RPA1: variants seen among roughly 807,000 people sequenced by gnomAD.
RPA1 encodes the protein replication protein A1, also known as replication protein A 70 kDa DNA-binding subunit.
In RPA1, 49 loss-of-function variants were observed where a neutral mutation model predicts 83.0. That is an observed-to-expected ratio of 0.59 (90% CI 0.47 to 0.75). The LOEUF (loss-of-function observed/expected upper bound fraction) is 0.75. RPA1 is among the 30% of genes least tolerant of loss of function. The probability of loss-of-function intolerance (pLI) is 0.00; values close to 1 mark genes in which losing one functional copy is unlikely to be tolerated. For synonymous variants in RPA1, 279 were observed against 281.8 expected (o/e 0.99, Z 0.10); for missense variants, 693 against 776.1 (o/e 0.89, Z 1.27).
chr17:1,895,145 T>C (rs1168910205), intron 16 of RPA1, 50 bp downstream of exon 16: 1 of 1,446,508 alleles, frequency 6.9e-7, no homozygotes, highest in South Asian at 1.2e-5. Flanking sequence ...GTGCTGTTTG[T>C]CACCTACGGC....
intron 6 of RPA1, among the ~76,000 whole-genome samples, chr17:1,874,391 A>T (rs1913505174): frequency 1.3e-5 from 2 of 152,190 alleles, no homozygotes; most frequent in African/African-American, 4.8e-5. Flanking sequence ...CTATAGTCCC[A>T]GCTACTCAAG....
At chr17:1,845,369 C>CAA (rs879287294) in intron 4 of RPA1, among the ~76,000 whole-genome samples, 1 of 135,362 alleles carries the variant, frequency 7.4e-6, no homozygotes, top group African/African-American at 2.7e-5. Context: ...CCTGTCTCTA[C>CAA]AAAAAAAAAA....
chr17:1,848,974 A>T (rs1342512143), intron 4 of RPA1, among the ~76,000 whole-genome samples: 1 of 152,144 alleles, frequency 6.6e-6, no homozygotes, highest in African/African-American at 2.4e-5. Context: ...TGCTATTACT[A>T]ATAATTCTAT....
intron 5 of RPA1, among the ~76,000 whole-genome samples, chr17:1,868,639 C>T (rs985656752): frequency 2.0e-5 from 3 of 152,042 alleles, no homozygotes; most frequent in East Asian, 1.9e-4. Flanking sequence ...GGCGTGATGG[C>T]GGGTACCTGT....
At position 1,888,930 on chromosome 17, in the gene RPA1, G is replaced by A. The variant is rs925075491; in HGVS notation, c.1551+79G>A. 1.4e-5 allele frequency: 20 copies of A among 1,459,282 alleles called. No homozygotes were observed. The East Asian group carries it at 2.8e-4, about 20-fold the overall frequency. The allele number at this position is 1,459,282 out of a possible 1,614,324, so 90.4% of individuals were successfully genotyped here. A position where few individuals can be genotyped will look rare whatever the true frequency, so the allele number is the denominator to read the frequency against. ...TGTGCCAGGCACTGTGGTCACAACA[G>A]TAGAGACAAAGCATTCCTGGTAGGA... On this transcript the variant is annotated intron_variant, in intron 14 of 16. Transcript: ENST00000254719.
At chr17:1,831,839 T>A (rs1243151721) in intron 1 of RPA1, among the ~76,000 whole-genome samples, 1 of 151,594 alleles carries the variant, frequency 6.6e-6, no homozygotes. Context: ...GACCTTGTGA[T>A]TCGCCCGCCT....
At chr17:1,869,827 A>G (rs543580403) in intron 5 of RPA1, among the ~76,000 whole-genome samples, 13 of 152,144 alleles carry the variant, frequency 8.5e-5, no homozygotes, top group Non-Finnish European at 1.3e-4. Context: ...GCTATGTAGA[A>G]TGCACCGGAT....
Position 1,831,098 on chromosome 17 carries a change from T to C in RPA1, c.33+972T>C, listed in dbSNP as rs1040685073. Among the ~76,000 whole-genome samples the C allele has an allele frequency of 7.2e-5, 11 of 152,304 alleles. No homozygotes were observed. The East Asian group carries it at 1.5e-3, about 21-fold the overall frequency. On this transcript the variant is annotated intron_variant, in intron 1 of 16. Transcript: ENST00000254719. ...AATTCCATTGCCATCTATTAATATA[T>C]GTCAGTTGCTCACAAATTTCTTTGT...
chr17:1,894,916 G>A, intron 15 of RPA1, 93 bp from the exon 16 acceptor site: 1 of 931,252 alleles, frequency 1.1e-6, no homozygotes, highest in South Asian at 1.5e-5. Context: ...CTACCCAGGA[G>A]ATGCATTTTC....
chr17:1,892,141 G>T (rs1914226361), intron 15 of RPA1, among the ~76,000 whole-genome samples: 2 of 152,028 alleles, frequency 1.3e-5, no homozygotes, highest in African/African-American at 4.8e-5. Context: ...TGAGTAGCTG[G>T]GATGACAGGC....
chr17:1,854,019 G>T (rs543173378), intron 5 of RPA1: 1 of 152,076 alleles, frequency 6.6e-6, no homozygotes, highest in East Asian at 1.9e-4. Flanking sequence ...AATATATAAC[G>T]TTGTTTTACT....
rs535221336 is a variant in RPA1, at chr17:1,838,004, T to C, written c.34-4799T>C. Among the ~76,000 whole-genome samples the C allele has an allele frequency of 1.3e-4, 20 of 152,230 alleles. No homozygotes were observed. The East Asian group carries it at 3.9e-3, about 29-fold the overall frequency. On this transcript the variant is annotated intron_variant, in intron 1 of 16. Transcript: ENST00000254719. ...TGTGTTTGTGTGTCCTAAGAAATCT[T>C]TGCTAGGCTGGATGTGGTGGCTCAT... is the stretch of plus-strand genomic sequence containing the variant.
intron 1 of RPA1, 107 bp from the exon 2 acceptor site, chr17:1,842,696 T>A (rs1355692522): frequency 1.1e-6 from 1 of 930,124 alleles, no homozygotes; most frequent in Non-Finnish European, 1.7e-6. Flanking sequence ...CTGAATAGGC[T>A]CTTTTAACAA....
intron 5 of RPA1, among the ~76,000 whole-genome samples, chr17:1,855,386 G>C (rs1273901690): frequency 6.6e-6 from 1 of 151,462 alleles, no homozygotes; most frequent in Non-Finnish European, 1.5e-5. Context: ...ACAGGGTTTT[G>C]CCATGTTGGC....
At position 1,875,685 on chromosome 17, in the gene RPA1, G is replaced by A. The variant is rs372061337; in HGVS notation, c.479G>A (p.Gly160Asp). The change falls in exon 7 of 17, where the codon GGT becomes GAT. Residue 160 changes from glycine to aspartate, a missense_variant. Gly to Asp is a moderately conservative substitution (Grantham distance 94). Transcript: ENST00000254719. ...GGTTCTACTGTTTCTAAGGCTTATGGTGCTTCAAAGACATTTGGAAAAGCT... is the reference window on the plus strand; with the variant it reads ...GGTTCTACTGTTTCTAAGGCTTATGATGCTTCAAAGACATTTGGAAAAGCT... ...GMGSTVSKAY[G>D]ASKTFGKAAG... The A allele has an allele frequency of 2.0e-5, 33 of 1,613,926 alleles. No homozygotes were observed. Among genetic ancestry groups the A allele is most frequent in the Non-Finnish European group, 2.7e-5 (32 of 1,179,994 alleles).
chr17:1,856,952 A>G (rs1342391409), intron 5 of RPA1, among the ~76,000 whole-genome samples: 3 of 151,852 alleles, frequency 2.0e-5, no homozygotes, highest in Non-Finnish European at 2.9e-5. Context: ...TTTGTATTCT[A>G]TTGATTTATG....
Position 1,898,875 on chromosome 17 carries a change from T to TCG in RPA1, c.*1700_*1701insCG, listed in dbSNP as rs1914547945. The TCG allele has an allele frequency of 2.0e-5, 3 of 152,632 alleles. No individual in the cohort carries two copies. Among genetic ancestry groups the TCG allele is most frequent in the Admixed American group, 2.0e-4 (3 of 15,288 alleles). The allele number at this position is 152,632 out of a possible 1,614,324, so 9.5% of individuals were successfully genotyped here. ...AAGCATCGACGAGAAAATTACAGTCTTCAACCCTCTTCTGGATTGACAAAT... is the reference window on the plus strand; with the variant it reads ...AAGCATCGACGAGAAAATTACAGTCTCGTCAACCCTCTTCTGGATTGACAAAT... On this transcript the variant is annotated 3_prime_UTR_variant, in exon 17 of 17. Coordinates refer to ENST00000254719, the MANE Select transcript of RPA1 (RefSeq NM_002945.5).
At chr17:1,831,074 A>G (rs1911551177) in intron 1 of RPA1, among the ~76,000 whole-genome samples, 1 of 152,090 alleles carries the variant, frequency 6.6e-6, no homozygotes, top group African/African-American at 2.4e-5. Flanking sequence ...CCCCAAGGCA[A>G]TTCCATTGCC....
At position 1,872,234 on chromosome 17, in the gene RPA1, C is replaced by T; in HGVS notation, c.362-200C>T. The stretch of plus-strand genomic sequence containing the variant: ...CAGGTGAAAGGTAGATGGAGCCAAC[C>T]TTTTGTGTAATGAAAACAAAAAGTG... On this transcript the variant is annotated intron_variant, in intron 5 of 16. Coordinates refer to ENST00000254719, the MANE Select transcript of RPA1 (RefSeq NM_002945.5). 7.0e-6 allele frequency: 5 copies of T among 716,130 alleles called. No individual in the cohort carries two copies. In the South Asian group the frequency reaches 9.8e-5, roughly 14 times the overall value. The allele number at this position is 716,130 out of a possible 1,614,324, so 44.4% of individuals were successfully genotyped here.
Sources: gnomAD v4.1 joint callset for allele counts (sites outside exome capture counted in the v4.1 genomes callset) on GRCh38, gnomAD v4.1.1 for gene constraint, MANE v1.5 for transcripts, NCBI Gene and HGNC (gene_info 2026-07-23, HGNC 2026-07-21) for gene names.